OSBPL10: variants seen among roughly 807,000 people sequenced by gnomAD.
The protein encoded by OSBPL10 is oxysterol-binding protein-related protein 10.
A neutral mutation model predicts 81.7 loss-of-function variants in OSBPL10; 49 were observed. That is an observed-to-expected ratio of 0.60 (90% CI 0.48 to 0.76). OSBPL10 has a LOEUF of 0.76. Among genes scored for constraint, OSBPL10 ranks in the 30% least tolerant of loss-of-function variants. The pLI, the probability that OSBPL10 is intolerant of heterozygous loss-of-function variation, is 0.00. For synonymous variants in OSBPL10, 419 were observed against 383.6 expected, an observed-to-expected ratio of 1.09 and a Z score of -1.08; for missense variants, 923 against 987.8, an observed-to-expected ratio of 0.93 and a Z score of 0.88.
intron 3 of OSBPL10, among the ~76,000 whole-genome samples, chr3:31,854,155 TAA>T (rs2125582677): frequency 1.3e-5 from 2 of 151,588 alleles, no homozygotes; most frequent in African/African-American, 4.9e-5. Context: ...TTTTTTTTTT[TAA>T]GGATAACTTT....
At chr3:31,728,639 T>C (rs1696880050) in intron 6 of OSBPL10, among the ~76,000 whole-genome samples, 1 of 152,170 alleles carries the variant, frequency 6.6e-6, no homozygotes, top group African/African-American at 2.4e-5. Context: ...CATTATGCTA[T>C]GTGAAAGAAG....
chr3:31,722,885 A>T (rs1388835389), intron 6 of OSBPL10, among the ~76,000 whole-genome samples: 2 of 152,182 alleles, frequency 1.3e-5, no homozygotes, highest in Non-Finnish European at 2.9e-5. Context: ...AATAACTATT[A>T]ACAAAGTTAT....
rs533542809 is a variant in OSBPL10, at chr3:31,682,446, C to A, written c.1726+1188G>T. On this transcript the variant is annotated intron_variant, in intron 8 of 11. Coordinates refer to ENST00000396556, the MANE Select transcript of OSBPL10 (RefSeq NM_017784.5). ...CTCCAGCCACATGGGCTTCCTGTCT[C>A]CATCCCCGTGCCAGGGACATTTTAC... 7.2e-5 allele frequency among the ~76,000 whole-genome samples: 11 copies of A among 152,340 alleles called. No individual in the cohort carries two copies. The South Asian group carries it at 2.3e-3, about 32-fold the overall frequency.
At chr3:31,709,455 T>C (rs1289797877) in intron 6 of OSBPL10, 1 of 152,098 alleles carries the variant, frequency 6.6e-6, no homozygotes, top group East Asian at 1.9e-4. Flanking sequence ...ACAATTATAT[T>C]GAGAGGATTC....
chr3:31,859,852 T>C (rs1701017172), intron 3 of OSBPL10, among the ~76,000 whole-genome samples: 1 of 152,210 alleles, frequency 6.6e-6, no homozygotes, highest in Non-Finnish European at 1.5e-5. Context: ...TATAATCACA[T>C]TTCTGCTTAG....
chr3:31,862,188 A>AT (rs1205345417), intron 3 of OSBPL10, among the ~76,000 whole-genome samples: 7 of 152,030 alleles, frequency 4.6e-5, no homozygotes, highest in Admixed American at 2.0e-4. Flanking sequence ...TTTTTTTTTA[A>AT]TTTTTTTAAA....
intron 4 of OSBPL10, among the ~76,000 whole-genome samples, chr3:31,828,706 T>C (rs1700158440): frequency 1.3e-5 from 2 of 152,070 alleles, no homozygotes. Flanking sequence ...CTAATTTTTG[T>C]GTTATTAGTA....
At chr3:31,739,909 ACTTAT>A (rs1324169936) in intron 5 of OSBPL10, among the ~76,000 whole-genome samples, 13 of 152,296 alleles carry the variant, frequency 8.5e-5, no homozygotes, top group South Asian at 6.2e-4. Context: ...AAACATAACT[ACTTAT>A]CTTAACTACT....
chr3:31,995,862 A>T (rs1418417358), intron 2 of OSBPL10, among the ~76,000 whole-genome samples: 1 of 152,190 alleles, frequency 6.6e-6, no homozygotes, highest in African/African-American at 2.4e-5. Flanking sequence ...AGTGACATGC[A>T]GTTAGTGTGA....
intron 4 of OSBPL10, among the ~76,000 whole-genome samples, chr3:31,821,460 T>C (rs11720782): frequency 0.07 from 10,582 of 152,230 alleles, 782 homozygotes; most frequent in East Asian, 0.44. Context: ...AAAGTAAATC[T>C]GCTCTCATAA....
At chr3:31,926,283 G>A (rs905476960) in intron 1 of OSBPL10, among the ~76,000 whole-genome samples, 1 of 104,984 alleles carries the variant, frequency 9.5e-6, no homozygotes, top group Non-Finnish European at 1.9e-5. Flanking sequence ...AACCATGGGT[G>A]ATTTTGCCCC....
At chr3:31,833,690 C>T (rs1178192670) in intron 3 of OSBPL10, among the ~76,000 whole-genome samples, 2 of 128,514 alleles carry the variant, frequency 1.6e-5, no homozygotes, top group Non-Finnish European at 3.2e-5. Context: ...GTAGGGAAAA[C>T]ACGCACACGC....
chr3:31,906,571 T>TTGG (rs1696413703), intron 1 of OSBPL10, among the ~76,000 whole-genome samples: 1 of 152,224 alleles, frequency 6.6e-6, no homozygotes, highest in Non-Finnish European at 1.5e-5. Flanking sequence ...GGGTACTTTA[T>TTGG]GAATATATAC....
chr3:31,771,405 G>A (rs528302522), intron 4 of OSBPL10, among the ~76,000 whole-genome samples: 1 of 152,068 alleles, frequency 6.6e-6, no homozygotes, highest in Admixed American at 6.6e-5. Context: ...TTATGCAAAG[G>A]CTGGAATGTC....
intron 1 of OSBPL10, among the ~76,000 whole-genome samples, chr3:31,971,139 C>CTTTTTTTTTTTTTT (rs56785817): frequency 1.7e-5 from 2 of 119,358 alleles, no homozygotes; most frequent in Non-Finnish European, 1.7e-5. Context: ...TTTCTTTTTT[C>CTTTTTTTTTTTTTT]TTTTTTTTTT....
chr3:31,858,408 C>T (rs1249430076), intron 3 of OSBPL10, among the ~76,000 whole-genome samples: 1 of 152,138 alleles, frequency 6.6e-6, no homozygotes, highest in Non-Finnish European at 1.5e-5. Flanking sequence ...ACAAGCTGTG[C>T]CTTTCCAGTC....
rs374328151 is a variant in OSBPL10, at chr3:32,042,338, T to C, written n.298+4153A>G. On this transcript the variant is annotated intron_variant and non_coding_transcript_variant, in intron 2 of 3. Coordinates refer to the OSBPL10 transcript ENST00000479173. ...CACAGAATCTGTGTGCATAATAACATGGTTTGTTTTTTTGCCACTAAATTT... is the reference window on the plus strand; with the variant it reads ...CACAGAATCTGTGTGCATAATAACACGGTTTGTTTTTTTGCCACTAAATTT... Among the ~76,000 whole-genome samples the C allele has an allele frequency of 5.3e-5, 8 of 152,360 alleles. 1 individual carries two copies. The highest frequency in any genetic ancestry group is 1.7e-4 in the African/African-American group (7 of 41,588).
At chr3:32,056,715 C>T (rs1190183350) in intron 1 of OSBPL10, among the ~76,000 whole-genome samples, 2 of 152,168 alleles carry the variant, frequency 1.3e-5, no homozygotes, top group Non-Finnish European at 2.9e-5. Context: ...CTCTGCAACC[C>T]TTGTAAAAGG....
At position 31,747,526 on chromosome 3, in the gene OSBPL10, G is replaced by A. The variant is rs374672409; in HGVS notation, c.940+384C>T. Among the ~76,000 whole-genome samples, 19 of 148,010 alleles carry A rather than the reference G, an allele frequency of 1.3e-4. No individual in the cohort carries two copies. The East Asian group carries it at 3.2e-3, about 25-fold the overall frequency. The stretch of plus-strand genomic sequence containing the variant: ...AAAAAAAAAACACAGAATGCTGAGT[G>A]CAAACGTCATGAGTGGAATGAGACT... On this transcript the variant is annotated intron_variant, in intron 5 of 11. Coordinates refer to ENST00000396556, the MANE Select transcript of OSBPL10 (RefSeq NM_017784.5).
Sources: allele counts gnomAD v4.1 joint callset (sites outside exome capture counted in the v4.1 genomes callset), GRCh38; gene constraint gnomAD v4.1.1; transcripts MANE v1.5; gene names NCBI Gene and HGNC (gene_info 2026-07-23, HGNC 2026-07-21).